NECAB2: variants seen among roughly 807,000 people sequenced by gnomAD.
NECAB2 encodes the protein N-terminal EF-hand calcium-binding protein 2.
Under a neutral mutation model 51.9 loss-of-function variants are expected in NECAB2, and 68 were observed. The observed-to-expected ratio is 1.31, with a 90% confidence interval of 1.08 to 1.60. The LOEUF (loss-of-function observed/expected upper bound fraction) is 1.60, where lower values mean the gene tolerates loss of function less well. NECAB2 is among the 40% of genes most tolerant of loss of function. The probability of loss-of-function intolerance (pLI) is 0.00; values close to 1 mark genes in which losing one functional copy is unlikely to be tolerated. For missense variants in NECAB2, 854 were observed against 490.3 expected (o/e 1.74, Z -7.00); for synonymous variants, 329 against 203.5 (o/e 1.62, Z -5.25).
intron 2 of NECAB2, among the ~76,000 whole-genome samples, chr16:83,976,505 C>G (rs991044211): frequency 1.3e-5 from 2 of 152,148 alleles, no homozygotes; most frequent in African/African-American, 4.8e-5. Context: ...CGAAGACACT[C>G]GGAAGGCATC....
chr16:83,997,418 C>A, intron 9 of NECAB2, 149 bp downstream of exon 9: 3 of 966,326 alleles, frequency 3.1e-6, no homozygotes, highest in Middle Eastern at 2.1e-4. Context: ...GCACCCAGAC[C>A]CTGCCCTGGC....
In NECAB2 at chr16:83,993,482, C is replaced by G. The variant is rs866044043; in HGVS notation, c.597-820C>G. 16 of 154,300 alleles carry G rather than the reference C, an allele frequency of 1.0e-4. 1 individual carries two copies. In the Middle Eastern group the frequency reaches 8.3e-3, roughly 80 times the overall value. 9.6% of individuals were successfully genotyped at this position (154,300 alleles called of 1,614,324 possible). Reference sequence around the variant, plus strand: ...GTGTTGGGGCCGTGCACAGGGCACTCTGTGTGTCTTCTGGGGGAGTGTCTG... The same window carrying G: ...GTGTTGGGGCCGTGCACAGGGCACTGTGTGTGTCTTCTGGGGGAGTGTCTG... On this transcript the variant is annotated intron_variant, in intron 6 of 12. Transcript: ENST00000305202.
At chr16:83,996,935 G>A (rs904810850) in intron 8 of NECAB2, among the ~76,000 whole-genome samples, 7 of 151,964 alleles carry the variant, frequency 4.6e-5, no homozygotes, top group Non-Finnish European at 4.4e-5. Flanking sequence ...GGAATCTAAG[G>A]GCTGTTGCTC....
chr16:83,995,920 G>C (rs999736005), intron 8 of NECAB2, among the ~76,000 whole-genome samples: 20 of 152,212 alleles, frequency 1.3e-4, no homozygotes, highest in African/African-American at 4.8e-4. Context: ...TCGGGAGGGA[G>C]ACTCTGAAGC....
rs78347176 is a variant in NECAB2 at position 83,983,997 on chromosome 16, T to G, written c.459+2870T>G. On this transcript the variant is annotated intron_variant, in intron 5 of 12. Coordinates refer to ENST00000305202, the MANE Select transcript of NECAB2 (RefSeq NM_019065.3). The stretch of plus-strand genomic sequence containing the variant: ...TAAAATACATATATATATATGGTGG[T>G]TTTTTTTTTTTTTTTTTTGACGGAG... 1.2e-3 allele frequency among the ~76,000 whole-genome samples: 82 copies of G among 70,506 alleles called. No homozygotes were observed. In the African/African-American group the frequency reaches 0.018, roughly 15 times the overall value. 46.3% of individuals were successfully genotyped at this position (70,506 alleles called of 152,430 possible). A position where few individuals can be genotyped will look rare whatever the true frequency, so the allele number is the denominator to read the frequency against.
intron 6 of NECAB2, 54 bp downstream of exon 6, chr16:83,990,684 G>A (rs780582107): frequency 1.3e-4 from 214 of 1,592,960 alleles, no homozygotes; most frequent in South Asian, 2.5e-4. Flanking sequence ...GCACGCGCAC[G>A]TGCCCACCTG....
At chr16:83,987,280 A>G (rs1411563868) in intron 5 of NECAB2, among the ~76,000 whole-genome samples, 1 of 152,192 alleles carries the variant, frequency 6.6e-6, no homozygotes, top group Non-Finnish European at 1.5e-5. Flanking sequence ...ATTTATTATT[A>G]TCTAATGTAT....
chr16:83,996,217 GC>G (rs1346208719), intron 8 of NECAB2, among the ~76,000 whole-genome samples: 1 of 152,162 alleles, frequency 6.6e-6, no homozygotes, highest in African/African-American at 2.4e-5. Flanking sequence ...GGCTTTTCCA[GC>G]CCCAGGACCC....
intron 10 of NECAB2, among the ~76,000 whole-genome samples, chr16:83,999,446 C>T (rs16962480): frequency 0.062 from 9,463 of 152,040 alleles, 966 homozygotes; most frequent in African/African-American, 0.21. Context: ...GAGTTGGAGA[C>T]GGCAAGCCTG....
chr16:83,996,637 C>G (rs17723451), intron 8 of NECAB2, among the ~76,000 whole-genome samples: 28,485 of 152,132 alleles, frequency 0.19, 3,363 homozygotes, highest in Non-Finnish European at 0.26. Flanking sequence ...CTGACACTTA[C>G]ATGGCTTTCG....
chr16:83,989,410 C>T (rs1361366230), intron 5 of NECAB2, among the ~76,000 whole-genome samples: 2 of 152,196 alleles, frequency 1.3e-5, no homozygotes, highest in South Asian at 2.1e-4. Flanking sequence ...CTCAGTCTGT[C>T]TGTCAGCCGT....
intron 12 of NECAB2, 76 bp downstream of exon 12, chr16:84,001,992 T>G (rs1261326742): frequency 3.2e-5 from 48 of 1,482,710 alleles, no homozygotes; most frequent in Non-Finnish European, 4.1e-5. Context: ...CTGCCCCATA[T>G]CTCCCGGGGA....
In NECAB2 at chr16:83,990,616, G is replaced by A. The variant is rs376695468; in HGVS notation, c.582G>A (p.Gln194=). The change falls in exon 6 of 13, where the codon CAG becomes CAA. Residue 194 remains glutamine, a synonymous_variant. Coordinates refer to ENST00000305202, the MANE Select transcript of NECAB2 (RefSeq NM_019065.3). ...GTGCGGTGGAGGCCATCGAGGAACA[G>A]ACCAGCCAGCTCCGGTGAGTCTCTG... ...VESAVEAIEE[Q]TSQLRQNHIK... 1.2e-6 allele frequency: 2 copies of A among 1,613,946 alleles called. No homozygotes were observed. The highest frequency in any genetic ancestry group is 2.7e-5 in the African/African-American group (2 of 74,902).
chr16:83,983,533 TAGG>T (rs957158988), intron 5 of NECAB2, among the ~76,000 whole-genome samples: 1 of 152,210 alleles, frequency 6.6e-6, no homozygotes, highest in African/African-American at 2.4e-5. Context: ...CATTTTGTCT[TAGG>T]AGGGTGGTGG....
rs964480064 is a variant in NECAB2, at chr16:83,981,515, G to C, written c.459+388G>C. Among the ~76,000 whole-genome samples the C allele has an allele frequency of 7.9e-5, 12 of 152,234 alleles. 1 individual carries two copies. The highest frequency in any genetic ancestry group is 2.4e-4 in the African/African-American group (10 of 41,538). On this transcript the variant is annotated intron_variant, in intron 5 of 12. Coordinates refer to ENST00000305202, the MANE Select transcript of NECAB2 (RefSeq NM_019065.3). ...GTGGTGGTTCATGCATCTGAACCCT[G>C]TCCCATATCAGGTTCTCGATGCTCA...
At chr16:83,973,509 G>A (rs552123223) in intron 2 of NECAB2, among the ~76,000 whole-genome samples, 1 of 152,316 alleles carries the variant, frequency 6.6e-6, no homozygotes, top group South Asian at 2.1e-4. Context: ...GAGCAGAGGA[G>A]GAATAAGAGG....
intron 2 of NECAB2, among the ~76,000 whole-genome samples, chr16:83,972,717 T>C (rs1328198257): frequency 6.6e-6 from 1 of 152,168 alleles, no homozygotes; most frequent in Non-Finnish European, 1.5e-5. Context: ...ACCGGGGCCC[T>C]TTTCCCTTTC....
intron 9 of NECAB2, 66 bp from the exon 10 acceptor site, chr16:83,998,139 C>G (rs942361008): frequency 1.4e-6 from 2 of 1,443,694 alleles, no homozygotes; most frequent in Admixed American, 1.8e-5. Context: ...TCATGGGGGC[C>G]TGATGGGGTG....
At chr16:83,972,086 C>A in intron 1 of NECAB2, 65 bp from the exon 2 acceptor site, 1 of 1,599,454 alleles carries the variant, frequency 6.3e-7, no homozygotes, top group South Asian at 1.1e-5. Flanking sequence ...AGTATCCGGT[C>A]AGAGGCTGCA....
Sources: allele counts gnomAD v4.1 joint callset (sites outside exome capture counted in the v4.1 genomes callset), GRCh38; gene constraint gnomAD v4.1.1; transcripts MANE v1.5; gene names NCBI Gene and HGNC (gene_info 2026-07-23, HGNC 2026-07-21).